PRDX3: variants seen among roughly 807,000 people sequenced by gnomAD.
The protein encoded by PRDX3 is thioredoxin-dependent peroxide reductase, mitochondrial.
PRDX3 carries 20 observed loss-of-function variants against 30.4 expected under a neutral mutation model. The observed-to-expected ratio is 0.66, with a 90% CI of 0.46 to 0.96. The LOEUF (loss-of-function observed/expected upper bound fraction) is 0.96. PRDX3 is among the 40% of genes least tolerant of loss of function. The probability of loss-of-function intolerance (pLI) is 0.00; values close to 1 mark genes in which losing one functional copy is unlikely to be tolerated. For missense variants in PRDX3, 322 were observed against 318.3 expected (o/e 1.01, Z -0.09); for synonymous variants, 124 against 117.8 (o/e 1.05, Z -0.34).
chr10:119,173,733 A>G lies in PRDX3; in HGVS notation c.447+4T>C. 4.3e-6 allele frequency: 7 copies of G among 1,611,626 alleles called. No individual in the cohort carries two copies. Among genetic ancestry groups the G allele is most frequent in the Non-Finnish European group, 5.9e-6 (7 of 1,179,734 alleles). ...GAGCAAAAGCTAGGGGTACAATGCC[A>G]TACCTTTCTTGGTGTATTTATCCAG... On this transcript the variant is annotated splice_donor_region_variant and intron_variant, in intron 4 of 6. Coordinates refer to ENST00000298510, the MANE Select transcript of PRDX3 (RefSeq NM_006793.5).
intron 5 of PRDX3, among the ~76,000 whole-genome samples, chr10:119,171,236 T>C (rs1847900554): frequency 6.6e-6 from 1 of 152,030 alleles, no homozygotes; most frequent in South Asian, 2.1e-4. Context: ...GAGACGGGGT[T>C]TCACCATGTT....
At chr10:119,177,792 G>GCC (rs370082211) in intron 1 of PRDX3, among the ~76,000 whole-genome samples, 70 of 151,392 alleles carry the variant, frequency 4.6e-4, no homozygotes, top group African/African-American at 1.6e-3. Flanking sequence ...GAAAAACAAG[G>GCC]CCCCTCCAGC....
intron 5 of PRDX3, 42 bp downstream of exon 5, chr10:119,172,340 A>C: frequency 6.7e-7 from 1 of 1,486,262 alleles, no homozygotes; most frequent in African/African-American, 1.4e-5. Flanking sequence ...ATGATACTAA[A>C]CATGAAAAAT....
At position 119,168,239 on chromosome 10, in the gene PRDX3, T is replaced by C. The variant is rs1341600247; in HGVS notation, c.*241A>G. 1.0e-5 allele frequency: 7 copies of C among 675,056 alleles called. No individual in the cohort carries two copies. The highest frequency in any genetic ancestry group is 1.1e-5 in the Non-Finnish European group (5 of 438,814). The allele number at this position is 675,056 out of a possible 1,614,324, so 41.8% of individuals were successfully genotyped here. A position where few individuals can be genotyped will look rare whatever the true frequency, so the allele number is the denominator to read the frequency against. On this transcript the variant is annotated 3_prime_UTR_variant, in exon 7 of 7. Coordinates refer to ENST00000298510, the MANE Select transcript of PRDX3 (RefSeq NM_006793.5). ...CCTTCTATAGAGGCAAATTATGTTC[T>C]GTAGAAACTAGCTAGCCAGCCACCA... is the stretch of plus-strand genomic sequence containing the variant.
intron 6 of PRDX3, 129 bp from the exon 7 acceptor site, chr10:119,168,662 A>C: frequency 6.8e-7 from 1 of 1,472,800 alleles, no homozygotes; most frequent in Admixed American, 2.6e-5. Flanking sequence ...TAAAACATAA[A>C]GATGAAAGTT....
rs754921351 is a variant in PRDX3 at position 119,169,336 on chromosome 10, G to A, written c.558C>T (p.Leu186=). The change falls in exon 6 of 7, where the codon CTC becomes CTT. Residue 186 remains leucine (L), a synonymous_variant. Coordinates refer to ENST00000298510, the MANE Select transcript of PRDX3 (RefSeq NM_006793.5). The part of the protein sequence containing the change: ...LEGSGLALRG[L]FIIDPNGVIK... Reference sequence around the variant, plus strand: ...TGACTCCATTGGGGTCAATTATGAAGAGACCTCTGCATGATCATTTATCCT... The same window carrying A: ...TGACTCCATTGGGGTCAATTATGAAAAGACCTCTGCATGATCATTTATCCT... 1.2e-6 allele frequency: 2 copies of A among 1,613,590 alleles called. No homozygotes were observed. The highest frequency in any genetic ancestry group is 4.5e-5 in the East Asian group (2 of 44,870).
At chr10:119,178,560 G>C (rs905883588) in intron 1 of PRDX3, among the ~76,000 whole-genome samples, 195 bp downstream of exon 1, 3 of 152,128 alleles carry the variant, frequency 2.0e-5, no homozygotes, top group Admixed American at 6.6e-5. Context: ...AGACCGCGAG[G>C]ATGGAGTGGG....
intron 4 of PRDX3, 92 bp downstream of exon 4, chr10:119,173,645 A>C: frequency 6.3e-6 from 9 of 1,421,764 alleles, no homozygotes; most frequent in Non-Finnish European, 8.6e-6. Flanking sequence ...ACCCTTGCGT[A>C]ATTTGATCTT....
intron 2 of PRDX3, among the ~76,000 whole-genome samples, chr10:119,175,223 T>C (rs573599920): frequency 2.0e-5 from 3 of 152,246 alleles, no homozygotes; most frequent in Admixed American, 6.5e-5. Context: ...GCAGATGGCA[T>C]GTAGGAAACA....
intron 2 of PRDX3, 68 bp from the exon 3 acceptor site, chr10:119,174,660 A>G: frequency 7.1e-7 from 1 of 1,404,786 alleles, no homozygotes; most frequent in Non-Finnish European, 9.5e-7. Flanking sequence ...ATTTTATTTA[A>G]ACTTCTCATA....
chr10:119,169,539 G>T, intron 5 of PRDX3, 197 bp from the exon 6 acceptor site: 1 of 514,292 alleles, frequency 1.9e-6, no homozygotes, highest in Admixed American at 3.4e-5. Flanking sequence ...AACAAAGGCA[G>T]TACTGGACCA....
At chr10:119,178,657 A>G in intron 1 of PRDX3, 98 bp downstream of exon 1, 3 of 1,412,844 alleles carry the variant, frequency 2.1e-6, no homozygotes, top group Non-Finnish European at 2.9e-6. Flanking sequence ...AAGAAGGGCG[A>G]ATGGCCCTCA....
intron 2 of PRDX3, among the ~76,000 whole-genome samples, chr10:119,175,596 C>T (rs543342313): frequency 7.2e-4 from 109 of 151,992 alleles, no homozygotes; most frequent in African/African-American, 2.6e-3. Flanking sequence ...GGGGTTTCAC[C>T]GTGTTAGCCA....
In PRDX3 at chr10:119,173,501, C is replaced by T. The variant is rs34358316; in HGVS notation, c.447+236G>A. Among the ~76,000 whole-genome samples the T allele has an allele frequency of 6.2e-3, 940 of 151,604 alleles. 12 individuals carry two copies. The highest frequency in any genetic ancestry group is 0.02 in the African/African-American group (845 of 41,332). ...ACACATGCCTGTAATCCCAGCTACT[C>T]GGGAAGCTGAGGTAGGAGAATCGCT... is the stretch of plus-strand genomic sequence containing the variant. On this transcript the variant is annotated intron_variant, in intron 4 of 6. Coordinates refer to ENST00000298510, the MANE Select transcript of PRDX3 (RefSeq NM_006793.5).
intron 4 of PRDX3, among the ~76,000 whole-genome samples, chr10:119,173,063 C>T (rs1222345229): frequency 6.6e-6 from 1 of 152,030 alleles, no homozygotes; most frequent in Non-Finnish European, 1.5e-5. Flanking sequence ...CTCAGCCTCC[C>T]GAGTAGCTGG....
chr10:119,175,771 G>A (rs1351679141), intron 2 of PRDX3, among the ~76,000 whole-genome samples: 2 of 91,914 alleles, frequency 2.2e-5, no homozygotes, highest in Non-Finnish European at 4.3e-5. Flanking sequence ...ATGTTAGGAG[G>A]TGGTTTCAGT....
chr10:119,178,641 C>A, intron 1 of PRDX3, 114 bp downstream of exon 1: 5 of 1,327,100 alleles, frequency 3.8e-6, no homozygotes, highest in Non-Finnish European at 5.3e-6. Flanking sequence ...CCCGCGGAAA[C>A]CCTCCAAGAA....
Position 119,172,502 on chromosome 10 carries a change from C to G in PRDX3, c.448-17G>C, listed in dbSNP as rs766514313. The G allele has an allele frequency of 6.0e-5, 96 of 1,596,528 alleles. No individual in the cohort carries two copies. Among genetic ancestry groups the G allele is most frequent in the Non-Finnish European group, 7.7e-5 (90 of 1,164,106 alleles). ...ACCACCATTCTAATCAAAATGCAAA[C>G]ATGACTGTTAGAATGTGTGGCCTCA... On this transcript the variant is annotated splice_polypyrimidine_tract_variant and intron_variant, in intron 4 of 6. Coordinates refer to ENST00000298510, the MANE Select transcript of PRDX3 (RefSeq NM_006793.5).
chr10:119,172,619 C>T (rs1847932198), intron 4 of PRDX3, 134 bp from the exon 5 acceptor site: 2 of 750,140 alleles, frequency 2.7e-6, no homozygotes, highest in South Asian at 3.1e-5. Flanking sequence ...ACTGCTTACT[C>T]TATTAACCTA....
Sources: gnomAD v4.1 joint callset for allele counts (sites outside exome capture counted in the v4.1 genomes callset) on GRCh38, gnomAD v4.1.1 for gene constraint, MANE v1.5 for transcripts, NCBI Gene and HGNC (gene_info 2026-07-23, HGNC 2026-07-21) for gene names.